The following SP4 variants were observed in gnomAD, a reference collection of about 807,000 sequenced individuals.
SP4 encodes Sp4 transcription factor.
In SP4, 19 loss-of-function variants were observed where a neutral mutation model predicts 72.8. The ratio of observed to expected loss-of-function variants is 0.26; its 90% CI spans 0.18 to 0.38. SP4 has a LOEUF of 0.38. SP4 is among the 10% of genes least tolerant of loss of function. The probability of loss-of-function intolerance (pLI) is 1.00; values close to 1 mark genes in which losing one functional copy is unlikely to be tolerated. For synonymous variants in SP4, 395 were observed against 333.1 expected, an observed-to-expected ratio of 1.19 and a Z score of -2.02; for missense variants, 1,008 against 926.3, an observed-to-expected ratio of 1.09 and a Z score of -1.14.
rs571959138 is a variant in SP4 at position 21,432,854 on chromosome 7, G to A, written c.1678+2011G>A. ...ACAAAAAATTTAAAAAAATTAGCTGGGTGTGGTGGCACACCTGTGGTCTCA... is the reference window on the plus strand; with the variant it reads ...ACAAAAAATTTAAAAAAATTAGCTGAGTGTGGTGGCACACCTGTGGTCTCA... On this transcript the variant is annotated intron_variant, in intron 3 of 5. Transcript: ENST00000222584. Among the ~76,000 whole-genome samples the A allele has an allele frequency of 5.9e-5, 9 of 152,250 alleles. No homozygotes were observed. The South Asian group carries it at 1.7e-3, about 28-fold the overall frequency.
intron 3 of SP4, among the ~76,000 whole-genome samples, chr7:21,432,595 T>C (rs972489541): frequency 6.6e-6 from 1 of 152,244 alleles, no homozygotes; most frequent in African/African-American, 2.4e-5. Flanking sequence ...TTAACTTGAA[T>C]GGTGCATTAA....
At chr7:21,447,532 A>G (rs10250517) in intron 3 of SP4, among the ~76,000 whole-genome samples, 3,306 of 152,330 alleles carry the variant, frequency 0.022, 127 homozygotes, top group African/African-American at 0.074. Context: ...TAACTGATTT[A>G]TAGTCCAAGA....
At position 21,430,140 on chromosome 7, in the gene SP4, A is replaced by C. The variant is rs1782788870; in HGVS notation, c.975A>C (p.Thr325=). The C allele has an allele frequency of 1.9e-6, 3 of 1,614,210 alleles. No individual in the cohort carries two copies. The East Asian group carries it at 6.7e-5, about 36-fold the overall frequency. ...CTCCCTCCTCCTCCACTACCTGCACAACCACTGCTTCAACGTCTTTGACAA... is the reference window on the plus strand; with the variant it reads ...CTCCCTCCTCCTCCACTACCTGCACCACCACTGCTTCAACGTCTTTGACAA... ...PESPSSSTTC[T]TTASTSLTSS... The change falls in exon 3 of 6, where the codon ACA becomes ACC. Residue 325 remains threonine (T), a synonymous_variant. Transcript: ENST00000222584.
chr7:21,471,760 A>G (rs1784351855), intron 3 of SP4, among the ~76,000 whole-genome samples: 1 of 152,142 alleles, frequency 6.6e-6, no homozygotes, highest in Admixed American at 6.5e-5. Context: ...CTTGAGTCCA[A>G]GAGTTAGAGG....
intron 5 of SP4, among the ~76,000 whole-genome samples, chr7:21,491,218 A>G (rs913080960): frequency 1.3e-5 from 2 of 152,224 alleles, no homozygotes; most frequent in African/African-American, 2.4e-5. Flanking sequence ...TGCTATAAAA[A>G]CTATAAAAAA....
chr7:21,511,378 TCTTGG>T lies in SP4; in HGVS notation c.*113_*117del. ...ACAGAGTAGGAAATTATGTTTTCAT[TCTTGG>T]CTTCTTTAAGTATTCCAGGGTTTGG... On this transcript the variant is annotated 3_prime_UTR_variant, in exon 6 of 6. Transcript: ENST00000222584. 8.6e-7 allele frequency: 1 copy of T among 1,166,448 alleles called. No individual in the cohort carries two copies. Among genetic ancestry groups the T allele is most frequent in the Non-Finnish European group, 1.2e-6 (1 of 833,456 alleles). The allele number at this position is 1,166,448 out of a possible 1,614,324, so 72.3% of individuals were successfully genotyped here.
chr7:21,484,939 T>C (rs1474522042), intron 5 of SP4, among the ~76,000 whole-genome samples: 1 of 151,918 alleles, frequency 6.6e-6, no homozygotes, highest in African/African-American at 2.4e-5. Flanking sequence ...CACACCATTA[T>C]TATCTACTGG....
At chr7:21,498,912 T>C (rs182823086) in intron 5 of SP4, among the ~76,000 whole-genome samples, 1 of 151,622 alleles carries the variant, frequency 6.6e-6, no homozygotes, top group Non-Finnish European at 1.5e-5. Context: ...GGTGAAACCC[T>C]GTCTAAAAAA....
intron 3 of SP4, among the ~76,000 whole-genome samples, chr7:21,463,657 G>C (rs1302439693): frequency 1.3e-5 from 2 of 152,202 alleles, no homozygotes; most frequent in Non-Finnish European, 2.9e-5. Flanking sequence ...GGTTGGAGAA[G>C]AGATAGTGCC....
chr7:21,476,870 C>T (rs1042646916), intron 3 of SP4, among the ~76,000 whole-genome samples: 3 of 151,924 alleles, frequency 2.0e-5, no homozygotes, highest in Admixed American at 6.6e-5. Context: ...TATATAGTTC[C>T]GTTATCTAGA....
chr7:21,430,934 C>T (rs1782830199), intron 3 of SP4, 91 bp downstream of exon 3: 4 of 913,030 alleles, frequency 4.4e-6, no homozygotes, highest in South Asian at 1.7e-5. Flanking sequence ...TGACGTAGAC[C>T]TCTGAAGTAA....
At chr7:21,485,137 A>T (rs1784778632) in intron 5 of SP4, among the ~76,000 whole-genome samples, 1 of 151,964 alleles carries the variant, frequency 6.6e-6, no homozygotes, top group Non-Finnish European at 1.5e-5. Flanking sequence ...TGTCTAAAAG[A>T]ATATGAAAAA....
In SP4 at chr7:21,484,582, C is replaced by T. The variant is rs569942161; in HGVS notation, c.2107+2459C>T. Among the ~76,000 whole-genome samples the T allele has an allele frequency of 9.7e-4, 147 of 151,858 alleles. 1 individual carries two copies. Among genetic ancestry groups the T allele is most frequent in the Non-Finnish European group, 1.2e-3 (79 of 67,756 alleles). On this transcript the variant is annotated intron_variant, in intron 5 of 5. Transcript: ENST00000222584. Reference sequence around the variant, plus strand: ...TTCTGTATAGTATATACACCATTGACGTTGGCAAATATGATTGATTAAAAG... The same window carrying T: ...TTCTGTATAGTATATACACCATTGATGTTGGCAAATATGATTGATTAAAAG...
At chr7:21,498,903 G>A (rs1470471856) in intron 5 of SP4, among the ~76,000 whole-genome samples, 1 of 151,830 alleles carries the variant, frequency 6.6e-6, no homozygotes, top group Non-Finnish European at 1.5e-5. Context: ...GGCTAACACG[G>A]TGAAACCCTG....
chr7:21,495,320 G>T (rs1401476213), intron 5 of SP4, among the ~76,000 whole-genome samples: 2 of 152,112 alleles, frequency 1.3e-5, no homozygotes, highest in Non-Finnish European at 2.9e-5. Context: ...TACAGACTGG[G>T]AGAAAGTGTT....
chr7:21,488,733 C>G (rs1409946884), intron 5 of SP4, among the ~76,000 whole-genome samples: 1 of 151,368 alleles, frequency 6.6e-6, no homozygotes, highest in East Asian at 1.9e-4. Context: ...CCACTGCACT[C>G]CAGCCTGGGC....
At chr7:21,471,040 G>C (rs1264978027) in intron 3 of SP4, 1 of 534,544 alleles carries the variant, frequency 1.9e-6, no homozygotes, top group Admixed American at 1.9e-5. Flanking sequence ...GTGGGAGAAT[G>C]TGTTGGATTC....
chr7:21,477,093 C>A lies in SP4; in HGVS notation c.1693C>A (p.Gln565Lys). The A allele has an allele frequency of 6.2e-7, 1 of 1,612,962 alleles. No individual in the cohort carries two copies. Among genetic ancestry groups the A allele is most frequent in the Non-Finnish European group, 8.5e-7 (1 of 1,179,348 alleles). ...ITSVAGQQQG[Q>K]DGVKVQQATI... ...TTCCTTTTTAGGTCAGCAGCAAGGACAAGATGGAGTAAAAGTCCAGCAAGC... is the reference window on the plus strand; with the variant it reads ...TTCCTTTTTAGGTCAGCAGCAAGGAAAAGATGGAGTAAAAGTCCAGCAAGC... The change falls in exon 4 of 6, where the codon CAA (glutamine) becomes AAA (lysine). Residue 565 changes from glutamine (Q) to lysine (K), a missense_variant. Gln to Lys is a moderately conservative substitution (Grantham distance 53). Coordinates refer to ENST00000222584, the MANE Select transcript of SP4 (RefSeq NM_003112.5).
At chr7:21,450,884 T>G (rs941202801) in intron 3 of SP4, among the ~76,000 whole-genome samples, 4 of 151,564 alleles carry the variant, frequency 2.6e-5, no homozygotes, top group African/African-American at 9.7e-5. Flanking sequence ...AGAGCAGGAG[T>G]GAAAGTTTAT....
Sources: gnomAD v4.1 joint callset for allele counts (sites outside exome capture counted in the v4.1 genomes callset) on GRCh38, gnomAD v4.1.1 for gene constraint, MANE v1.5 for transcripts, NCBI Gene and HGNC (gene_info 2026-07-23, HGNC 2026-07-21) for gene names.